Variants in UGGT2 observed in about 807,000 individuals in gnomAD.
UGGT2 encodes the protein UDP-glucose glycoprotein glucosyltransferase 2.
In UGGT2, 180 loss-of-function variants were observed where a neutral mutation model predicts 192.1. That is an observed-to-expected ratio of 0.94 (90% CI 0.83 to 1.06). The LOEUF is 1.06. Among genes scored for constraint, UGGT2 ranks in the 50% least tolerant of loss-of-function variants. The pLI is 0.00. For missense variants in UGGT2, 1,849 were observed against 1,795.7 expected (o/e 1.03, Z -0.54); for synonymous variants, 580 against 591.0 (o/e 0.98, Z 0.27).
intron 17 of UGGT2, among the ~76,000 whole-genome samples, chr13:95,933,592 G>A (rs1489907024): frequency 2.0e-5 from 3 of 151,898 alleles, no homozygotes; most frequent in East Asian, 3.9e-4. Context: ...CTTTTCTTCT[G>A]CTAGCTTTGA....
chr13:95,999,220 G>C lies in UGGT2; in HGVS notation c.748C>G (p.Gln250Glu). 6.2e-7 allele frequency: 1 copy of C among 1,612,656 alleles called. No individual in the cohort carries two copies. The highest frequency in any genetic ancestry group is 8.5e-7 in the Non-Finnish European group (1 of 1,179,080). Residue 250 changes from glutamine to glutamate, a missense_variant, in exon 6 of 39, where the codon CAA (glutamine) becomes GAA (glutamate). By Grantham distance (29) the Gln-to-Glu change is conservative (BLOSUM62 2). Transcript: ENST00000376747. ...GAGATAGAGAACTTACTTTTAACTT[G>C]GGTATCATCCAGTGCTTTGTATTCT... ...STEYKALDDT[Q>E]VKTVTNTTVE... is the part of the protein sequence containing the mutation.
At chr13:95,914,634 A>AT (rs2048622066) in intron 20 of UGGT2, among the ~76,000 whole-genome samples, 1 of 141,302 alleles carries the variant, frequency 7.1e-6, no homozygotes, top group South Asian at 2.2e-4. Context: ...AAAAAAAAAA[A>AT]AAAAAAAAAA....
At position 96,023,668 on chromosome 13, in the gene UGGT2, A is replaced by C. The variant is rs769569138; in HGVS notation, c.333T>G (p.Ser111=). 2.5e-6 allele frequency: 4 copies of C among 1,612,250 alleles called. No homozygotes were observed. Among genetic ancestry groups the C allele is most frequent in the Non-Finnish European group, 3.4e-6 (4 of 1,178,782 alleles). The change falls in exon 3 of 39, where the codon TCT becomes TCG. Residue 111 remains serine, a synonymous_variant. Transcript: ENST00000376747. ...GAATAGCTGGGGAGTATGCCCTTAT[A>C]GAGAAAGCAAACTTTAAAAGGTTGA... ...LHINLLKFAF[S]IRAYSPAIQM...
chr13:95,939,362 C>T (rs2140524471), intron 16 of UGGT2, among the ~76,000 whole-genome samples: 1 of 152,194 alleles, frequency 6.6e-6, no homozygotes, highest in South Asian at 2.1e-4. Context: ...ATTCCTCTTT[C>T]ATTCAATGTG....
intron 12 of UGGT2, among the ~76,000 whole-genome samples, chr13:95,955,092 T>G (rs1279067815): frequency 6.6e-6 from 1 of 152,244 alleles, no homozygotes; most frequent in Non-Finnish European, 1.5e-5. Context: ...GTTTACTCAG[T>G]GTAGCACTAA....
chr13:95,875,311 T>A (rs1048749565), intron 29 of UGGT2, among the ~76,000 whole-genome samples: 1 of 152,220 alleles, frequency 6.6e-6, no homozygotes, highest in Non-Finnish European at 1.5e-5. Context: ...GTTCTGATAG[T>A]CTTTATATAT....
intron 4 of UGGT2, among the ~76,000 whole-genome samples, chr13:96,015,843 T>G (rs2052319916): frequency 6.6e-6 from 1 of 152,232 alleles, no homozygotes; most frequent in African/African-American, 2.4e-5. Context: ...GTAAACTACC[T>G]ATATATACAC....
intron 31 of UGGT2, among the ~76,000 whole-genome samples, chr13:95,862,863 T>C (rs1038276876): frequency 1.5e-4 from 23 of 152,200 alleles, no homozygotes; most frequent in Admixed American, 6.5e-4. Context: ...ATATATTCCT[T>C]ATGTATGTTT....
intron 1 of UGGT2, among the ~76,000 whole-genome samples, chr13:96,039,804 A>T (rs939164145): frequency 1.3e-5 from 2 of 152,240 alleles, no homozygotes; most frequent in Non-Finnish European, 2.9e-5. Context: ...CCGGTATTGT[A>T]TCACTACATA....
intron 29 of UGGT2, among the ~76,000 whole-genome samples, chr13:95,872,912 T>C (rs1594201581): frequency 6.6e-6 from 1 of 152,218 alleles, no homozygotes; most frequent in South Asian, 2.1e-4. Flanking sequence ...GGGCATTTAC[T>C]CAATATTCTA....
chr13:95,931,568 G>T (rs189264639), intron 17 of UGGT2, among the ~76,000 whole-genome samples: 7,625 of 148,378 alleles, frequency 0.051, 289 homozygotes, highest in East Asian at 0.2. Flanking sequence ...GGGTGGGGGG[G>T]AGGCTCAGGC....
rs11070154 is a variant in UGGT2 at position 95,854,410 on chromosome 13, A to G, written c.4074T>C (p.Thr1358=). ...TTTCCCTGCGGCTATCACAAAATGG[A>G]GTATACCCATAAGGAGCTCCATCCA... ...FDLDGAPYGY[T]PFCDSRREMD... is the part of the protein sequence containing the mutation. Residue 1358 remains threonine, a synonymous_variant, in exon 35 of 39, where the codon ACT becomes ACC. Coordinates refer to ENST00000376747, the MANE Select transcript of UGGT2 (RefSeq NM_020121.4). 646,322 of 1,612,734 alleles carry G rather than the reference A, an allele frequency of 0.4. 132,153 individuals carry two copies. Among genetic ancestry groups the G allele is most frequent in the Non-Finnish European group, 0.42 (494,797 of 1,179,336 alleles).
chr13:95,834,279 T>C (rs564840283), intron 37 of UGGT2, among the ~76,000 whole-genome samples: 11 of 152,198 alleles, frequency 7.2e-5, no homozygotes, highest in African/African-American at 2.4e-4. Flanking sequence ...TTATTAGTGT[T>C]TCTTAACTGG....
At chr13:95,980,041 T>A (rs1208990600) in intron 10 of UGGT2, among the ~76,000 whole-genome samples, 1 of 152,220 alleles carries the variant, frequency 6.6e-6, no homozygotes, top group Non-Finnish European at 1.5e-5. Flanking sequence ...TTTACAATGT[T>A]GGTGGGAATG....
intron 7 of UGGT2, chr13:95,995,416 G>T (rs147252977): frequency 8.1e-4 from 124 of 152,162 alleles, no homozygotes; most frequent in African/African-American, 2.7e-3. Context: ...TTTAAAAATA[G>T]TATGAGTGGT....
chr13:95,893,978 C>T (rs1327687671), intron 24 of UGGT2, among the ~76,000 whole-genome samples: 2 of 152,104 alleles, frequency 1.3e-5, no homozygotes, highest in Non-Finnish European at 2.9e-5. Context: ...CTTGCTTGGG[C>T]GGGCAACAAC....
chr13:95,819,708 TAAC>T (rs1303836041), intron 38 of UGGT2, among the ~76,000 whole-genome samples: 2 of 151,904 alleles, frequency 1.3e-5, no homozygotes, highest in African/African-American at 4.8e-5. Flanking sequence ...ACAATAGAAA[TAAC>T]AAAATCAGAA....
At chr13:95,811,931 C>T (rs1184713483) in intron 38 of UGGT2, among the ~76,000 whole-genome samples, 3 of 151,452 alleles carry the variant, frequency 2.0e-5, no homozygotes, top group Non-Finnish European at 2.9e-5. Flanking sequence ...CAAAACAAGG[C>T]AGAAAAAGAA....
chr13:95,928,252 G>C (rs1468815661), intron 17 of UGGT2, among the ~76,000 whole-genome samples: 1 of 151,628 alleles, frequency 6.6e-6, no homozygotes, highest in Non-Finnish European at 1.5e-5. Context: ...GGCCGGGCAG[G>C]GGCTGCCCCC....
Sources: gnomAD v4.1 joint callset for allele counts (sites outside exome capture counted in the v4.1 genomes callset) on GRCh38, gnomAD v4.1.1 for gene constraint, MANE v1.5 for transcripts, NCBI Gene and HGNC (gene_info 2026-07-23, HGNC 2026-07-21) for gene names.